Variants in NRG1 observed in about 807,000 individuals in gnomAD.
The protein encoded by NRG1 is neuregulin 1, also known as pro-neuregulin-1, membrane-bound isoform.
A neutral mutation model predicts 63.8 loss-of-function variants in NRG1; 18 were observed. The observed-to-expected ratio is 0.28, with a 90% confidence interval of 0.19 to 0.42. The LOEUF (loss-of-function observed/expected upper bound fraction) is 0.42, where lower values mean the gene tolerates loss of function less well. Among genes scored for constraint, NRG1 ranks in the 10% least tolerant of loss-of-function variants. The probability of loss-of-function intolerance (pLI) is 1.00; values close to 1 mark genes in which losing one functional copy is unlikely to be tolerated. For synonymous variants in NRG1, 302 were observed against 301.3 expected (o/e 1.00, Z -0.02); for missense variants, 762 against 814.7 (o/e 0.94, Z 0.79).
At chr8:32,692,164 T>A (rs1811913912) in intron 5 of NRG1, among the ~76,000 whole-genome samples, 1 of 152,232 alleles carries the variant, frequency 6.6e-6, no homozygotes, top group Non-Finnish European at 1.5e-5. Flanking sequence ...CTAAGTGTTC[T>A]CAGGACAGGG....
chr8:31,691,699 T>G (rs1809544233), intron 1 of NRG1, among the ~76,000 whole-genome samples: 1 of 152,150 alleles, frequency 6.6e-6, no homozygotes, highest in Non-Finnish European at 1.5e-5. Flanking sequence ...AGTGTTTTTT[T>G]CTTATGCAAT....
intron 1 of NRG1, among the ~76,000 whole-genome samples, chr8:31,918,175 C>A (rs887084714): frequency 6.6e-6 from 1 of 152,088 alleles, no homozygotes; most frequent in Non-Finnish European, 1.5e-5. Context: ...TCCTCTTTTC[C>A]TAATTGAATA....
intron 1 of NRG1, among the ~76,000 whole-genome samples, chr8:32,280,323 T>A (rs1852565326): frequency 6.6e-6 from 1 of 152,204 alleles, no homozygotes. Flanking sequence ...TCAGAAGGAA[T>A]CACTAATTAA....
At chr8:31,727,179 A>G (rs1469087082) in intron 1 of NRG1, among the ~76,000 whole-genome samples, 2 of 152,166 alleles carry the variant, frequency 1.3e-5, no homozygotes, top group Admixed American at 6.5e-5. Context: ...CTTACCATCT[A>G]GTGGGACTCA....
chr8:32,656,930 C>T (rs539347234), intron 5 of NRG1, among the ~76,000 whole-genome samples: 5 of 152,058 alleles, frequency 3.3e-5, no homozygotes, highest in African/African-American at 1.2e-4. Context: ...GTGATAGGCA[C>T]TTAGTGTTTG....
chr8:32,039,690 A>C (rs557728343), intron 1 of NRG1, among the ~76,000 whole-genome samples: 2 of 152,254 alleles, frequency 1.3e-5, no homozygotes, highest in East Asian at 3.9e-4. Flanking sequence ...CCAGGCATGG[A>C]TCTTAACCTC....
At chr8:32,528,357 T>C (rs10111443) in intron 1 of NRG1, among the ~76,000 whole-genome samples, 115,112 of 152,098 alleles carry the variant, frequency 0.76, 43,726 homozygotes, top group East Asian at 0.84. Context: ...ATGCAAGTTA[T>C]AGGCATGTGG....
At chr8:32,686,650 A>T (rs1026235903) in intron 5 of NRG1, among the ~76,000 whole-genome samples, 8 of 152,242 alleles carry the variant, frequency 5.3e-5, no homozygotes, top group Non-Finnish European at 1.2e-4. Flanking sequence ...TTAAATCTGG[A>T]TAGCTCCCTT....
chr8:32,558,041 T>C (rs1835524212), intron 1 of NRG1, among the ~76,000 whole-genome samples: 1 of 152,186 alleles, frequency 6.6e-6, no homozygotes. Context: ...ATATCATTTA[T>C]GCCCCATCCA....
chr8:32,320,162 G>A (rs547253239), intron 1 of NRG1, among the ~76,000 whole-genome samples: 1 of 152,210 alleles, frequency 6.6e-6, no homozygotes, highest in Non-Finnish European at 1.5e-5. Flanking sequence ...CTATTGTTAT[G>A]ATTTTTAAAT....
chr8:31,973,156 A>G (rs1430881642), intron 1 of NRG1, among the ~76,000 whole-genome samples: 1 of 152,192 alleles, frequency 6.6e-6, no homozygotes, highest in African/African-American at 2.4e-5. Context: ...TTTTTTCCCA[A>G]GTTCATATGC....
chr8:32,743,745 C>T (rs115985697), intron 7 of NRG1, among the ~76,000 whole-genome samples: 4 of 116,300 alleles, frequency 3.4e-5, no homozygotes. Context: ...GAACTGGACA[C>T]ATATAACTTC....
chr8:32,062,649 T>A (rs1221963579), intron 1 of NRG1, among the ~76,000 whole-genome samples: 1 of 152,116 alleles, frequency 6.6e-6, no homozygotes, highest in East Asian at 1.9e-4. Context: ...GATTTTATGG[T>A]AGTCCCTTTC....
intron 1 of NRG1, among the ~76,000 whole-genome samples, chr8:31,888,301 G>T (rs1830882633): frequency 6.6e-6 from 1 of 152,036 alleles, no homozygotes; most frequent in Admixed American, 6.6e-5. Context: ...GATGATATTT[G>T]TAATGAATTT....
rs574377855 is a variant in NRG1 at position 31,680,279 on chromosome 8, T to C, written c.37+40848T>C. Among the ~76,000 whole-genome samples, 33 of 148,192 alleles carry C rather than the reference T, an allele frequency of 2.2e-4. No homozygotes were observed. The South Asian group carries it at 5.6e-3, about 25-fold the overall frequency. ...TAGCATTAGGTATATCTCCCAATGCTATCCCTCTCCCCTCCCCCCACCCCA... is the reference window on the plus strand; with the variant it reads ...TAGCATTAGGTATATCTCCCAATGCCATCCCTCTCCCCTCCCCCCACCCCA... On this transcript the variant is annotated intron_variant, in intron 1 of 10. Transcript: ENST00000519301.
intron 1 of NRG1, among the ~76,000 whole-genome samples, chr8:32,373,978 ATT>A (rs1809285756): frequency 6.6e-6 from 1 of 152,198 alleles, no homozygotes; most frequent in Non-Finnish European, 1.5e-5. Context: ...ATATTATGAG[ATT>A]ATGGGTAACA....
intron 1 of NRG1, among the ~76,000 whole-genome samples, chr8:32,473,897 G>T (rs1305436796): frequency 6.6e-6 from 1 of 151,954 alleles, no homozygotes; most frequent in Middle Eastern, 3.2e-3. Flanking sequence ...TGTTTCCCAA[G>T]CTGGTCTTGA....
At chr8:32,268,267 C>G (rs557093545) in intron 1 of NRG1, among the ~76,000 whole-genome samples, 5 of 152,164 alleles carry the variant, frequency 3.3e-5, no homozygotes, top group Admixed American at 3.3e-4. Flanking sequence ...AGTAAAGAAA[C>G]AAGCATAACT....
At chr8:32,218,449 T>G (rs918005963) in intron 1 of NRG1, among the ~76,000 whole-genome samples, 10 of 152,214 alleles carry the variant, frequency 6.6e-5, no homozygotes, top group African/African-American at 2.4e-4. Context: ...GGCTGATCCA[T>G]TCATGACTCA....
Sources: allele counts gnomAD v4.1 joint callset (sites outside exome capture counted in the v4.1 genomes callset), GRCh38; gene constraint gnomAD v4.1.1; transcripts MANE v1.5; gene names NCBI Gene and HGNC (gene_info 2026-07-23, HGNC 2026-07-21).